PKD1L1: variants seen among roughly 807,000 people sequenced by gnomAD.
PKD1L1 encodes polycystin-1-like protein 1.
In PKD1L1, 236 loss-of-function variants were observed where a neutral mutation model predicts 323.4. The ratio of observed to expected loss-of-function variants is 0.73; its 90% CI spans 0.66 to 0.81. The LOEUF is 0.81. PKD1L1 is among the 40% of genes least tolerant of loss of function. PKD1L1 has a pLI of 0.00. For synonymous variants in PKD1L1, 1,344 were observed against 1,335.0 expected, an observed-to-expected ratio of 1.01 and a Z score of -0.15; for missense variants, 3,320 against 3,508.0, an observed-to-expected ratio of 0.95 and a Z score of 1.35.
At chr7:47,862,414 GC>G (rs1786052645) in intron 26 of PKD1L1, among the ~76,000 whole-genome samples, 1 of 152,104 alleles carries the variant, frequency 6.6e-6, no homozygotes. Flanking sequence ...GGAGGACAGG[GC>G]CATCCAGCCC....
chr7:47,798,928 T>G (rs1316455560), intron 54 of PKD1L1, among the ~76,000 whole-genome samples: 2 of 152,208 alleles, frequency 1.3e-5, no homozygotes, highest in Non-Finnish European at 2.9e-5. Context: ...TTACAACTTC[T>G]GCTCTGTAGA....
Position 47,835,233 on chromosome 7 carries a change from T to C in PKD1L1, c.5954A>G (p.Asp1985Gly). 1 of 1,587,768 alleles carries C rather than the reference T, an allele frequency of 6.3e-7. No homozygotes were observed. The highest frequency in any genetic ancestry group is 8.5e-7 in the Non-Finnish European group (1 of 1,173,274). ...GAAGGATCCAAGGGTGGGGCTGACG[T>C]CCAAGTGGGGCTGCAACAAAGCAAC... ...AAGGQEQPHL[D>G]VSPTLGSFRV... Residue 1985 changes from aspartate (D) to glycine (G), a missense_variant, in exon 38 of 57, where the codon GAC becomes GGC. Coordinates refer to ENST00000289672, the MANE Select transcript of PKD1L1 (RefSeq NM_138295.5).
rs575414259 is a variant in PKD1L1, at chr7:47,855,723, A to G, written c.4591-458T>C. 2.6e-4 allele frequency among the ~76,000 whole-genome samples: 34 copies of G among 128,672 alleles called. 2 individuals carry two copies. In the South Asian group the frequency reaches 7.8e-3, roughly 29 times the overall value. The allele number at this position is 128,672 out of a possible 152,430, so 84.4% of individuals were successfully genotyped here. A position where few individuals can be genotyped will look rare whatever the true frequency, so the allele number is the denominator to read the frequency against. On this transcript the variant is annotated intron_variant, in intron 28 of 56. Transcript: ENST00000289672. ...AACCCCGTCTCTACTAAAAATACAA[A>G]AAATTAGCCGGGCGTAGTGGCGGGC... is the stretch of plus-strand genomic sequence containing the variant.
At chr7:47,776,690 G>A (rs1177268552) in intron 56 of PKD1L1, among the ~76,000 whole-genome samples, 1 of 152,084 alleles carries the variant, frequency 6.6e-6, no homozygotes, top group African/African-American at 2.4e-5. Context: ...AATTCAACCT[G>A]GAATGCTGTG....
intron 42 of PKD1L1, among the ~76,000 whole-genome samples, chr7:47,830,461 G>A (rs753964321): frequency 1.4e-4 from 21 of 152,252 alleles, no homozygotes; most frequent in Non-Finnish European, 2.1e-4. Flanking sequence ...CAACAAAGCT[G>A]GATGCTGGCG....
intron 28 of PKD1L1, 82 bp from the exon 29 acceptor site, chr7:47,855,347 G>A (rs1583622838): frequency 1.0e-6 from 1 of 956,774 alleles, no homozygotes. Context: ...AAAGTATCGT[G>A]GTGCTGCTAT....
chr7:47,821,022 G>A, intron 46 of PKD1L1, 54 bp downstream of exon 46: 1 of 1,077,884 alleles, frequency 9.3e-7, no homozygotes, highest in Middle Eastern at 2.0e-4. Flanking sequence ...GTGCACACAG[G>A]CTATGGAATA....
intron 4 of PKD1L1, among the ~76,000 whole-genome samples, chr7:47,934,561 T>C (rs1787831035): frequency 6.6e-6 from 1 of 152,208 alleles, no homozygotes; most frequent in African/African-American, 2.4e-5. Context: ...CTTTAGTTCT[T>C]AATGTAGTGA....
rs754725476 is a variant in PKD1L1, at chr7:47,800,761, G to A, written c.8081C>T (p.Pro2694Leu). 6 of 1,614,000 alleles carry A rather than the reference G, an allele frequency of 3.7e-6. No individual in the cohort carries two copies. The highest frequency in any genetic ancestry group is 5.1e-6 in the Non-Finnish European group (6 of 1,180,036). The change falls in exon 54 of 57, where the codon CCC becomes CTC. Residue 2694 changes from proline to leucine, a missense_variant. By Grantham distance (98) the Pro-to-Leu change is moderately conservative (BLOSUM62 -3). Transcript: ENST00000289672. ...GAGGCAGTCTTTTTGGCTTCTTCTG[G>A]GAAAATGAAACAGCAGCCCGGGGAA... ...DAFPGLLFHF[P>L]RRSQKDCLLG...
chr7:47,865,164 C>T, intron 26 of PKD1L1, 52 bp downstream of exon 26: 1 of 1,327,776 alleles, frequency 7.5e-7, no homozygotes, highest in Non-Finnish European at 1.1e-6. Flanking sequence ...TGATCATGTC[C>T]CTCAAAACTA....
intron 4 of PKD1L1, among the ~76,000 whole-genome samples, chr7:47,935,225 T>C (rs1290056508): frequency 1.3e-5 from 2 of 152,184 alleles, no homozygotes; most frequent in Admixed American, 1.3e-4. Context: ...GACCCTAGCA[T>C]TGGAGAAAAT....
intron 26 of PKD1L1, among the ~76,000 whole-genome samples, chr7:47,860,728 C>T (rs750862345): frequency 6.6e-6 from 1 of 152,146 alleles, no homozygotes; most frequent in Non-Finnish European, 1.5e-5. Flanking sequence ...TCAGAATGGT[C>T]ACTTTAAGAG....
chr7:47,940,286 A>G lies in PKD1L1; in HGVS notation c.192T>C (p.Ser64=), dbSNP rs1246477353. The G allele has an allele frequency of 8.7e-6, 14 of 1,613,688 alleles. No homozygotes were observed. The highest frequency in any genetic ancestry group is 1.2e-5 in the Non-Finnish European group (14 of 1,179,922). ...EVYANHVLLM[S]DGKCGCPWCA... is the part of the protein sequence containing the mutation. ...ACCAAGGACAGCCACACTTCCCATCACTCATAAGAAGCACATGATTAGCAT... is the reference window on the plus strand; with the variant it reads ...ACCAAGGACAGCCACACTTCCCATCGCTCATAAGAAGCACATGATTAGCAT... The change falls in exon 3 of 57, where the codon AGT becomes AGC. Residue 64 remains serine (S), a synonymous_variant. Transcript: ENST00000289672.
intron 12 of PKD1L1, among the ~76,000 whole-genome samples, chr7:47,903,504 G>C (rs546758909): frequency 1.3e-5 from 2 of 152,310 alleles, no homozygotes; most frequent in South Asian, 4.1e-4. Context: ...TTCCTTATGT[G>C]AAAATCTATT....
At chr7:47,847,397 T>G (rs1198756469) in intron 31 of PKD1L1, among the ~76,000 whole-genome samples, 1 of 152,186 alleles carries the variant, frequency 6.6e-6, no homozygotes, top group Non-Finnish European at 1.5e-5. Flanking sequence ...TTAGTGGGGA[T>G]GGAAGAGGGT....
At chr7:47,882,650 G>A (rs1444406005) in intron 19 of PKD1L1, among the ~76,000 whole-genome samples, 1 of 148,734 alleles carries the variant, frequency 6.7e-6, no homozygotes, top group East Asian at 2.0e-4. Flanking sequence ...AAACCAAAAT[G>A]CTGTGGGAAT....
At position 47,943,430 on chromosome 7, in the gene PKD1L1, G is replaced by A; in HGVS notation, c.126C>T (p.Cys42=). The A allele has an allele frequency of 6.2e-7, 1 of 1,613,504 alleles. No homozygotes were observed. Among genetic ancestry groups the A allele is most frequent in the African/African-American group, 1.3e-5 (1 of 74,994 alleles). Residue 42 remains cysteine (C), a synonymous_variant, in exon 2 of 57, where the codon TGC becomes TGT. Transcript: ENST00000289672. The stretch of plus-strand genomic sequence containing the variant: ...ATCCACCTCCAGGAGGGCTACAGCT[G>A]CACAGATGAAGACCCCAGCTCTTGT... ...STDKSWGLHL[C]SCSPPGGGLW...
intron 45 of PKD1L1, among the ~76,000 whole-genome samples, chr7:47,821,842 C>T (rs1485622764): frequency 1.3e-5 from 2 of 152,028 alleles, no homozygotes; most frequent in African/African-American, 2.4e-5. Flanking sequence ...CACCCACCAC[C>T]ACGCCATGCT....
chr7:47,930,573 T>C (rs1787748842), intron 6 of PKD1L1, among the ~76,000 whole-genome samples: 1 of 151,276 alleles, frequency 6.6e-6, no homozygotes, highest in South Asian at 2.1e-4. Context: ...TCCCAGCACT[T>C]TGGGAGGCCG....
Sources: allele counts gnomAD v4.1 joint callset (sites outside exome capture counted in the v4.1 genomes callset), GRCh38; gene constraint gnomAD v4.1.1; transcripts MANE v1.5; gene names NCBI Gene and HGNC (gene_info 2026-07-23, HGNC 2026-07-21).